Variants in MMP16 observed in about 807,000 individuals in gnomAD.
MMP16 encodes the protein matrix metalloproteinase-16.
A neutral mutation model predicts 67.8 loss-of-function variants in MMP16; 12 were observed. The observed-to-expected ratio is 0.18, with a 90% CI of 0.11 to 0.29. MMP16 has a LOEUF of 0.29. Ranked by LOEUF, MMP16 falls within the 10% of genes least tolerant of loss-of-function variation. The probability of loss-of-function intolerance (pLI) is 1.00; values close to 1 mark genes in which losing one functional copy is unlikely to be tolerated. For missense variants in MMP16, 475 were observed against 765.7 expected (o/e 0.62, Z 4.48); for synonymous variants, 249 against 255.9 (o/e 0.97, Z 0.26).
intron 1 of MMP16, among the ~76,000 whole-genome samples, chr8:88,295,791 T>C (rs1265521404): frequency 6.6e-6 from 1 of 152,180 alleles, no homozygotes; most frequent in East Asian, 1.9e-4. Flanking sequence ...AGTAATTTCT[T>C]AGAAGATTAT....
intron 3 of MMP16, among the ~76,000 whole-genome samples, chr8:88,178,946 G>GA (rs1408049151): frequency 6.6e-6 from 1 of 151,462 alleles, no homozygotes; most frequent in African/African-American, 2.4e-5. Flanking sequence ...CATTGAAGCA[G>GA]AAAAAAAGAG....
At chr8:88,289,816 A>G (rs915444395) in intron 1 of MMP16, among the ~76,000 whole-genome samples, 1 of 151,948 alleles carries the variant, frequency 6.6e-6, no homozygotes, top group Non-Finnish European at 1.5e-5. Flanking sequence ...GGAAAAAAAA[A>G]TTCACAAGTG....
rs34562051 is a variant in MMP16, at chr8:88,034,238, T to TAAAAAAAA, written c.*7215_*7222dup. On this transcript the variant is annotated 3_prime_UTR_variant, in exon 10 of 10. Transcript: ENST00000286614. ...AAGGGAAGGGAAAACCAAATCTGTG[T>TAAAAAAAA]AAAAAAAAAAAAAAAAGGCAAGATA... 8.5e-6 allele frequency: 1 copy of TAAAAAAAA among 117,372 alleles called. No homozygotes were observed. Among genetic ancestry groups the TAAAAAAAA allele is most frequent in the African/African-American group, 3.1e-5 (1 of 32,592 alleles). 7.3% of individuals were successfully genotyped at this position (117,372 alleles called of 1,614,324 possible).
At chr8:88,257,783 G>C (rs550671424) in intron 1 of MMP16, among the ~76,000 whole-genome samples, 1 of 152,052 alleles carries the variant, frequency 6.6e-6, no homozygotes, top group Admixed American at 6.6e-5. Context: ...CTTACCTTAT[G>C]GGTTATACTA....
At chr8:88,070,635 C>T (rs988228238) in intron 7 of MMP16, among the ~76,000 whole-genome samples, 2 of 152,080 alleles carry the variant, frequency 1.3e-5, no homozygotes, top group Non-Finnish European at 2.9e-5. Flanking sequence ...CTTGTTCTCC[C>T]TGAACTCTCA....
At chr8:88,194,828 A>G (rs746185909) in intron 2 of MMP16, among the ~76,000 whole-genome samples, 12 of 152,188 alleles carry the variant, frequency 7.9e-5, no homozygotes, top group Non-Finnish European at 1.6e-4. Flanking sequence ...AACCTGAATT[A>G]GAACATGGCT....
intron 4 of MMP16, among the ~76,000 whole-genome samples, chr8:88,143,166 A>G (rs1461306951): frequency 6.6e-6 from 1 of 152,122 alleles, no homozygotes; most frequent in Non-Finnish European, 1.5e-5. Context: ...ATCTGGGTCA[A>G]TCTGAATAGG....
intron 4 of MMP16, among the ~76,000 whole-genome samples, chr8:88,160,863 A>G (rs1407141031): frequency 3.9e-5 from 6 of 152,172 alleles, no homozygotes; most frequent in Non-Finnish European, 7.3e-5. Context: ...TGATTTGTGT[A>G]TGTTGAACCA....
chr8:88,238,841 T>G (rs1809988054), intron 1 of MMP16, among the ~76,000 whole-genome samples: 1 of 151,366 alleles, frequency 6.6e-6, no homozygotes, highest in Admixed American at 6.6e-5. Context: ...AATAAAAATT[T>G]TGGCTGGGTG....
intron 1 of MMP16, among the ~76,000 whole-genome samples, chr8:88,325,270 A>G (rs886079141): frequency 4.6e-5 from 7 of 152,232 alleles, no homozygotes; most frequent in African/African-American, 1.4e-4. Context: ...ATAAAGAAAT[A>G]CAATCTTTTA....
intron 3 of MMP16, among the ~76,000 whole-genome samples, chr8:88,171,858 A>C (rs1357689890): frequency 6.7e-6 from 1 of 149,684 alleles, no homozygotes; most frequent in Non-Finnish European, 1.5e-5. Context: ...ACGGAGTCTC[A>C]TTCTGTCACC....
chr8:88,225,059 C>A (rs1586213833), intron 1 of MMP16, among the ~76,000 whole-genome samples: 1 of 152,022 alleles, frequency 6.6e-6, no homozygotes, highest in East Asian at 1.9e-4. Context: ...CAAGCACCAC[C>A]TGTTTAAATA....
chr8:88,271,957 T>C (rs567284734), intron 1 of MMP16, among the ~76,000 whole-genome samples: 1 of 152,332 alleles, frequency 6.6e-6, no homozygotes, highest in African/African-American at 2.4e-5. Context: ...CTCAGCAATT[T>C]ACCAGCTAAG....
intron 4 of MMP16, among the ~76,000 whole-genome samples, chr8:88,149,592 C>A (rs576998267): frequency 6.6e-6 from 1 of 152,108 alleles, no homozygotes; most frequent in East Asian, 2.0e-4. Context: ...CACCCCCCAG[C>A]AGGGGCACAC....
chr8:88,280,635 A>G (rs1178588348), intron 1 of MMP16, among the ~76,000 whole-genome samples: 1 of 152,164 alleles, frequency 6.6e-6, no homozygotes, highest in African/African-American at 2.4e-5. Flanking sequence ...GGATGCCTAT[A>G]TTCCCAGCAC....
intron 1 of MMP16, among the ~76,000 whole-genome samples, chr8:88,208,167 TC>T (rs1251895015): frequency 9.3e-6 from 1 of 107,854 alleles, no homozygotes; most frequent in Non-Finnish European, 1.9e-5. Flanking sequence ...CAAAGAACAT[TC>T]ATGAGTAAGG....
At position 88,112,259 on chromosome 8, in the gene MMP16, G is replaced by C. The variant is rs115771684; in HGVS notation, c.1083+4248C>G. Among the ~76,000 whole-genome samples, 1,359 of 149,582 alleles carry C rather than the reference G, an allele frequency of 9.1e-3. 16 individuals carry two copies. Among genetic ancestry groups the C allele is most frequent in the African/African-American group, 0.032 (1,286 of 40,722 alleles). ...ATTTTTCCTATTTCCAGCTTCAAAA[G>C]AACATAGTTACCACTATATGCATTC... is the stretch of plus-strand genomic sequence containing the variant. On this transcript the variant is annotated intron_variant, in intron 6 of 9. Transcript: ENST00000286614.
chr8:88,269,765 C>G (rs372915592), intron 1 of MMP16, among the ~76,000 whole-genome samples: 1 of 152,128 alleles, frequency 6.6e-6, no homozygotes, highest in African/African-American at 2.4e-5. Context: ...CTTTGCTCTA[C>G]GACCTATTAA....
intron 1 of MMP16, among the ~76,000 whole-genome samples, chr8:88,205,295 G>C (rs1275996035): frequency 6.6e-6 from 1 of 152,152 alleles, no homozygotes; most frequent in Admixed American, 6.5e-5. Context: ...GCCTTTTAGA[G>C]AGAGGAGACC....
Sources: allele counts gnomAD v4.1 joint callset (sites outside exome capture counted in the v4.1 genomes callset), GRCh38; gene constraint gnomAD v4.1.1; transcripts MANE v1.5; gene names NCBI Gene and HGNC (gene_info 2026-07-23, HGNC 2026-07-21).